ADORA1: variants seen among roughly 807,000 people sequenced by gnomAD.
The protein encoded by ADORA1 is adenosine receptor A1.
ADORA1 carries 6 observed loss-of-function variants against 19.9 expected under a neutral mutation model. The observed-to-expected ratio is 0.30, with a 90% CI of 0.17 to 0.59. The LOEUF is 0.59. ADORA1 is among the 20% of genes least tolerant of loss of function. ADORA1 has a pLI of 0.87. For missense variants in ADORA1, 302 were observed against 439.2 expected, an observed-to-expected ratio of 0.69 and a Z score of 2.79; for synonymous variants, 194 against 188.4, an observed-to-expected ratio of 1.03 and a Z score of -0.24.
intron 3 of ADORA1, among the ~76,000 whole-genome samples, chr1:203,157,950 G>C (rs1319087852): frequency 6.6e-6 from 1 of 152,198 alleles, no homozygotes; most frequent in Non-Finnish European, 1.5e-5. Flanking sequence ...GAAGATCTCT[G>C]AAATACCTGT....
intron 3 of ADORA1, among the ~76,000 whole-genome samples, chr1:203,144,081 T>TAC (rs10525873): frequency 0.022 from 3,133 of 139,732 alleles, 68 homozygotes; most frequent in African/African-American, 0.039. Context: ...GACTACCTCT[T>TAC]ACACACACAC....
At chr1:203,129,588 G>T (rs1449202580) in intron 3 of ADORA1, 13 of 186,972 alleles carry the variant, frequency 7.0e-5, no homozygotes, top group Admixed American at 5.9e-5. Context: ...AAGAGAGTTA[G>T]GGTGGGGTGG....
At chr1:203,150,809 C>T (rs1655007577) in intron 3 of ADORA1, 2 of 1,158,940 alleles carry the variant, frequency 1.7e-6, no homozygotes, top group Non-Finnish European at 2.3e-6. Flanking sequence ...TCTCTGTCCT[C>T]CCCCTATCTG....
At chr1:203,136,102 G>A (rs1234475212) in intron 3 of ADORA1, among the ~76,000 whole-genome samples, 1 of 152,184 alleles carries the variant, frequency 6.6e-6, no homozygotes, top group African/African-American at 2.4e-5. Flanking sequence ...AGAGAGGAAG[G>A]AAGTGGAGAG....
chr1:203,143,795 A>C (rs964704286), intron 3 of ADORA1, among the ~76,000 whole-genome samples: 1 of 152,138 alleles, frequency 6.6e-6, no homozygotes, highest in Non-Finnish European at 1.5e-5. Context: ...TCAAGTCAAC[A>C]AGTGTTTTCT....
At chr1:203,156,238 G>T (rs903828419) in intron 3 of ADORA1, among the ~76,000 whole-genome samples, 1 of 152,118 alleles carries the variant, frequency 6.6e-6, no homozygotes, top group Admixed American at 6.6e-5. Flanking sequence ...GGAAGAGAGG[G>T]TGTGAGAGAG....
intron 3 of ADORA1, among the ~76,000 whole-genome samples, chr1:203,150,432 C>G (rs1654995115): frequency 6.6e-6 from 1 of 152,166 alleles, no homozygotes; most frequent in African/African-American, 2.4e-5. Flanking sequence ...TGTAGGGACT[C>G]TGTACACTGT....
chr1:203,145,868 T>C (rs1286279690), intron 3 of ADORA1, among the ~76,000 whole-genome samples: 2 of 149,994 alleles, frequency 1.3e-5, no homozygotes, highest in Non-Finnish European at 3.0e-5. Context: ...GCCTGAGGAG[T>C]TCCTTTACAA....
chr1:203,157,693 T>C (rs1301579257), intron 3 of ADORA1, among the ~76,000 whole-genome samples: 1 of 152,270 alleles, frequency 6.6e-6, no homozygotes, highest in Non-Finnish European at 1.5e-5. Flanking sequence ...CCCCATGGCT[T>C]CCACACTCTG....
At chr1:203,129,470 G>A (rs1359103319) in intron 3 of ADORA1, among the ~76,000 whole-genome samples, 1 of 152,208 alleles carries the variant, frequency 6.6e-6, no homozygotes, top group African/African-American at 2.4e-5. Context: ...GGCCTGGGGT[G>A]GAGGTGGGAG....
Position 203,166,015 on chromosome 1 carries a change from G to A in ADORA1, c.*115G>A. On this transcript the variant is annotated 3_prime_UTR_variant, in exon 4 of 4. Transcript: ENST00000337894. Reference sequence around the variant, plus strand: ...GCCCCAGCTGGGCTGTTGGCTGGGGGCATGGGGGAGGCTCTGAAGAGATAC... The same window carrying A: ...GCCCCAGCTGGGCTGTTGGCTGGGGACATGGGGGAGGCTCTGAAGAGATAC... The A allele has an allele frequency of 1.5e-6, 2 of 1,353,412 alleles. No individual in the cohort carries two copies. The highest frequency in any genetic ancestry group is 2.4e-4 in the Middle Eastern group (1 of 4,126). 83.8% of individuals were successfully genotyped at this position (1,353,412 alleles called of 1,614,324 possible).
At chr1:203,135,380 TG>T (rs1214788587) in intron 3 of ADORA1, among the ~76,000 whole-genome samples, 2 of 152,164 alleles carry the variant, frequency 1.3e-5, no homozygotes, top group East Asian at 3.8e-4. Context: ...AAGTTGAGGC[TG>T]GGCGCGGTGG....
intron 3 of ADORA1, among the ~76,000 whole-genome samples, chr1:203,135,847 C>G (rs1571784454): frequency 1.3e-5 from 2 of 152,250 alleles, no homozygotes; most frequent in East Asian, 1.9e-4. Flanking sequence ...ACTCTCCCTT[C>G]TCCCTCCCCA....
chr1:203,128,647 C>A lies in ADORA1; in HGVS notation c.-57-138C>A. ...GACAAAGATTAGGCAGAGAAGGGTC[C>A]GGGTGCCCCTCCAGCCTGGGTAGGA... is the stretch of plus-strand genomic sequence containing the variant. On this transcript the variant is annotated intron_variant, in intron 2 of 3. Coordinates refer to ENST00000337894, the MANE Select transcript of ADORA1 (RefSeq NM_000674.3). The surrounding 1 kb of genome is among the most constrained non-coding windows in gnomAD (Gnocchi z 5.9). 9.3e-7 allele frequency: 1 copy of A among 1,080,328 alleles called. No individual in the cohort carries two copies. 66.9% of individuals were successfully genotyped at this position (1,080,328 alleles called of 1,614,324 possible).
At chr1:203,138,822 T>C (rs1288486688) in intron 3 of ADORA1, among the ~76,000 whole-genome samples, 11 of 152,090 alleles carry the variant, frequency 7.2e-5, no homozygotes, top group Non-Finnish European at 1.3e-4. Context: ...TTTTATTTAT[T>C]TATTTATTTA....
intron 3 of ADORA1, among the ~76,000 whole-genome samples, chr1:203,131,821 G>T (rs1023739403): frequency 6.6e-6 from 1 of 152,222 alleles, no homozygotes; most frequent in African/African-American, 2.4e-5. Flanking sequence ...GCTGGAGTCA[G>T]CAGGCTGCTG....
intron 3 of ADORA1, chr1:203,150,752 G>T: frequency 1.6e-6 from 2 of 1,289,788 alleles, no homozygotes; most frequent in South Asian, 1.2e-5. Flanking sequence ...TGTGGGGGTG[G>T]ACTCTTTCTT....
At chr1:203,158,110 C>T (rs1655251964) in intron 3 of ADORA1, among the ~76,000 whole-genome samples, 1 of 152,180 alleles carries the variant, frequency 6.6e-6, no homozygotes, top group South Asian at 2.1e-4. Context: ...GAGAGTTTTC[C>T]AAATCTTTCC....
intron 3 of ADORA1, among the ~76,000 whole-genome samples, chr1:203,132,972 C>T (rs1336057258): frequency 4.6e-5 from 7 of 152,098 alleles, no homozygotes; most frequent in Admixed American, 6.6e-5. Flanking sequence ...GTTGGGATCC[C>T]GGGAGGGTTT....
Sources: gnomAD v4.1 joint callset for allele counts (sites outside exome capture counted in the v4.1 genomes callset) on GRCh38, gnomAD v4.1.1 for gene constraint, Gnocchi (gnomAD v3.1) non-coding constraint, MANE v1.5 for transcripts, NCBI Gene and HGNC (gene_info 2026-07-23, HGNC 2026-07-21) for gene names.